SHANK2: variants seen among roughly 807,000 people sequenced by gnomAD.
SHANK2 encodes the protein SH3 and multiple ankyrin repeat domains 2, also known as SH3 and multiple ankyrin repeat domains protein 2.
A neutral mutation model predicts 133.7 loss-of-function variants in SHANK2; 43 were observed. That is an observed-to-expected ratio of 0.32 (90% CI 0.25 to 0.41). SHANK2 has a LOEUF of 0.41. Among genes scored for constraint, SHANK2 ranks in the 10% least tolerant of loss-of-function variants. The pLI is 1.00. For synonymous variants in SHANK2, 1,017 were observed against 952.8 expected, an observed-to-expected ratio of 1.07 and a Z score of -1.24; for missense variants, 1,994 against 2,235.8, an observed-to-expected ratio of 0.89 and a Z score of 2.18.
At chr11:71,079,383 T>A (rs972661613) in intron 8 of SHANK2, among the ~76,000 whole-genome samples, 1 of 152,210 alleles carries the variant, frequency 6.6e-6, no homozygotes, top group Non-Finnish European at 1.5e-5. Flanking sequence ...GCTCTCCGCG[T>A]GGAGGGCATA....
chr11:70,682,356 G>A (rs577116228), intron 15 of SHANK2, among the ~76,000 whole-genome samples: 7 of 152,224 alleles, frequency 4.6e-5, no homozygotes, highest in Non-Finnish European at 8.8e-5. Flanking sequence ...GGCGGAGCCC[G>A]CTGTGCCCCA....
intron 17 of SHANK2, among the ~76,000 whole-genome samples, chr11:70,521,191 A>T (rs1161015977): frequency 6.6e-6 from 1 of 152,194 alleles, no homozygotes; most frequent in Admixed American, 6.5e-5. Flanking sequence ...TTTGCTGAAA[A>T]TCTAGGTTCC....
chr11:71,217,867 T>C (rs1235117395), intron 2 of SHANK2, among the ~76,000 whole-genome samples: 2 of 152,220 alleles, frequency 1.3e-5, no homozygotes, highest in Non-Finnish European at 2.9e-5. Context: ...TGTTTGTTTT[T>C]TGAGACAGAG....
rs562433116 is a variant in SHANK2, at chr11:70,772,332, C to T, written c.1777+26111G>A. Among the ~76,000 whole-genome samples, 7 of 151,008 alleles carry T rather than the reference C, an allele frequency of 4.6e-5. No individual in the cohort carries two copies. The South Asian group carries it at 6.3e-4, about 14-fold the overall frequency. ...GCGCGCGCCTGTAATCCTAGCTACT[C>T]GGGAGGCTGAGGCAGGAGAATCGCT... On this transcript the variant is annotated intron_variant, in intron 14 of 25. Transcript: ENST00000601538.
At chr11:70,936,849 G>T (rs1468839323) in intron 10 of SHANK2, among the ~76,000 whole-genome samples, 4 of 152,198 alleles carry the variant, frequency 2.6e-5, no homozygotes, top group Non-Finnish European at 4.4e-5. Flanking sequence ...CCAATGAAGG[G>T]TAACGCACAC....
chr11:70,568,254 C>T (rs1224671453), intron 17 of SHANK2, among the ~76,000 whole-genome samples: 1 of 152,184 alleles, frequency 6.6e-6, no homozygotes, highest in Non-Finnish European at 1.5e-5. Flanking sequence ...CGAGGGGCGG[C>T]GCCGTCTCCA....
intron 14 of SHANK2, among the ~76,000 whole-genome samples, chr11:70,740,602 G>T (rs1389159092): frequency 6.6e-6 from 1 of 152,142 alleles, no homozygotes; most frequent in African/African-American, 2.4e-5. Context: ...CTCACCCCCT[G>T]CCCGGTTGGA....
At chr11:70,778,741 C>G (rs1274661003) in intron 14 of SHANK2, among the ~76,000 whole-genome samples, 2 of 152,190 alleles carry the variant, frequency 1.3e-5, no homozygotes, top group Non-Finnish European at 2.9e-5. Context: ...GTTGTTTAAG[C>G]TGCCCATTCT....
At chr11:70,684,845 C>T (rs1465561297) in intron 15 of SHANK2, among the ~76,000 whole-genome samples, 1 of 152,084 alleles carries the variant, frequency 6.6e-6, no homozygotes, top group Non-Finnish European at 1.5e-5. Context: ...GGTCACATGC[C>T]TCACTCTGCC....
intron 17 of SHANK2, among the ~76,000 whole-genome samples, chr11:70,526,284 C>A (rs371186987): frequency 2.0e-5 from 3 of 152,272 alleles, no homozygotes; most frequent in African/African-American, 7.2e-5. Flanking sequence ...TGACAGCTGG[C>A]CTGTGTTCCA....
intron 17 of SHANK2, among the ~76,000 whole-genome samples, chr11:70,623,946 C>T (rs1393999834): frequency 1.3e-5 from 2 of 152,194 alleles, no homozygotes; most frequent in Non-Finnish European, 2.9e-5. Context: ...AGAGACCCCA[C>T]TGGGGAGCTG....
intron 11 of SHANK2, among the ~76,000 whole-genome samples, chr11:70,846,054 G>C (rs1397779762): frequency 1.3e-5 from 2 of 152,230 alleles, no homozygotes; most frequent in East Asian, 3.9e-4. Context: ...ACCTGAACTG[G>C]GTCCCTGGGA....
Position 70,905,563 on chromosome 11 carries a change from C to G in SHANK2, c.1108-8996G>C, listed in dbSNP as rs370149162. On this transcript the variant is annotated intron_variant, in intron 10 of 25. Coordinates refer to ENST00000601538, the MANE Select transcript of SHANK2 (RefSeq NM_012309.5). ...GTGTGAGGGTGTTAGGAGCTGGGGCCTTTGGGAGGTAATGAGGTCATGAGG... is the reference window on the plus strand; with the variant it reads ...GTGTGAGGGTGTTAGGAGCTGGGGCGTTTGGGAGGTAATGAGGTCATGAGG... Among the ~76,000 whole-genome samples the G allele has an allele frequency of 1.6e-4, 24 of 152,232 alleles. 1 individual carries two copies. The highest frequency in any genetic ancestry group is 5.8e-4 in the African/African-American group (24 of 41,536).
At chr11:70,858,782 T>G (rs782243437) in intron 11 of SHANK2, among the ~76,000 whole-genome samples, 1 of 152,248 alleles carries the variant, frequency 6.6e-6, no homozygotes, top group Non-Finnish European at 1.5e-5. Flanking sequence ...TCCTGGACTA[T>G]GCACCTCCCA....
chr11:71,073,847 T>C (rs1406131824), intron 9 of SHANK2, among the ~76,000 whole-genome samples: 1 of 152,170 alleles, frequency 6.6e-6, no homozygotes, highest in Non-Finnish European at 1.5e-5. Flanking sequence ...GTCCGCCACG[T>C]CCTTCCCCAT....
chr11:70,502,751 C>T, intron 18 of SHANK2, 45 bp downstream of exon 18: 3 of 1,319,662 alleles, frequency 2.3e-6, no homozygotes, highest in Non-Finnish European at 3.1e-6. Flanking sequence ...ACCCCCCCCC[C>T]CCAGTAGGGC....
intron 15 of SHANK2, among the ~76,000 whole-genome samples, chr11:70,684,801 C>G (rs1368283222): frequency 6.6e-6 from 1 of 152,064 alleles, no homozygotes; most frequent in Non-Finnish European, 1.5e-5. Context: ...GGTCCCAGCC[C>G]TGCCCTGTCT....
At chr11:71,140,888 T>C (rs1555105662) in intron 3 of SHANK2, among the ~76,000 whole-genome samples, 1 of 152,170 alleles carries the variant, frequency 6.6e-6, no homozygotes, top group Non-Finnish European at 1.5e-5. Context: ...AACTTGCAGG[T>C]GCAAATCAGC....
chr11:71,118,562 C>A (rs1590929923), intron 4 of SHANK2, among the ~76,000 whole-genome samples: 1 of 149,562 alleles, frequency 6.7e-6, no homozygotes, highest in African/African-American at 2.6e-5. Flanking sequence ...TGGGAAACCG[C>A]TATGATCCAA....
Sources: allele counts gnomAD v4.1 joint callset (sites outside exome capture counted in the v4.1 genomes callset), GRCh38; gene constraint gnomAD v4.1.1; transcripts MANE v1.5; gene names NCBI Gene and HGNC (gene_info 2026-07-23, HGNC 2026-07-21).